The following CSMD1 variants were observed in gnomAD, a reference collection of about 807,000 sequenced individuals.
CSMD1 encodes CUB and Sushi multiple domains 1, also known as CUB and sushi domain-containing protein 1.
CSMD1 carries 213 observed loss-of-function variants against 417.5 expected under a neutral mutation model. That is an observed-to-expected ratio of 0.51 (90% confidence interval 0.46 to 0.57). The LOEUF is 0.57. CSMD1 is among the 20% of genes least tolerant of loss of function. The probability of loss-of-function intolerance (pLI) is 0.00; values close to 1 mark genes in which losing one functional copy is unlikely to be tolerated. For synonymous variants in CSMD1, 2,862 were observed against 1,736.8 expected, an observed-to-expected ratio of 1.65 and a Z score of -16.11; for missense variants, 6,923 against 4,529.7, an observed-to-expected ratio of 1.53 and a Z score of -15.17.
chr8:4,968,323 C>G (rs375330739), intron 1 of CSMD1, among the ~76,000 whole-genome samples: 47 of 152,100 alleles, frequency 3.1e-4, no homozygotes, highest in African/African-American at 1.1e-3. Flanking sequence ...TAAGAACATT[C>G]ACAAGATTGT....
chr8:3,367,337 G>C (rs1585060771), intron 19 of CSMD1, 90 bp from the exon 20 acceptor site: 2 of 783,418 alleles, frequency 2.6e-6, no homozygotes, highest in Non-Finnish European at 4.2e-6. Flanking sequence ...GAGAGAGACA[G>C]AGACATAGAG....
chr8:4,017,961 GC>G (rs1196375416), intron 4 of CSMD1, among the ~76,000 whole-genome samples: 1 of 152,102 alleles, frequency 6.6e-6, no homozygotes, highest in Non-Finnish European at 1.5e-5. Context: ...AACTATAGCG[GC>G]ATGCATTTAT....
rs561014315 is a variant in CSMD1, at chr8:4,894,135, A to AAG, written c.85+100196_85+100197insCT. Among the ~76,000 whole-genome samples, 155 of 152,186 alleles carry AAG rather than the reference A, an allele frequency of 1.0e-3. 3 individuals carry two copies. Among genetic ancestry groups the AAG allele is most frequent in the African/African-American group, 3.4e-3 (142 of 41,476 alleles). The stretch of plus-strand genomic sequence containing the variant: ...CGCACTGTATCCCATACATTTGAAA[A>AAG]ATTATCTCTATTTTAACAGTGAACA... On this transcript the variant is annotated intron_variant, in intron 1 of 69. Transcript: ENST00000635120.
chr8:4,383,341 T>A lies in CSMD1; in HGVS notation c.415+36612A>T, dbSNP rs189819790. Among the ~76,000 whole-genome samples, 261 of 152,296 alleles carry A rather than the reference T, an allele frequency of 1.7e-3. 2 individuals carry two copies. The highest frequency in any genetic ancestry group is 2.1e-3 in the Non-Finnish European group (142 of 68,024). ...GGGATCTCTGAGTCAAAGAAGATTT[T>A]ATGATGAGAGAGTTTTCTTTTGCTT... On this transcript the variant is annotated intron_variant, in intron 3 of 69. Transcript: ENST00000635120.
chr8:3,136,035 C>T (rs532024232), intron 41 of CSMD1, among the ~76,000 whole-genome samples: 53 of 152,212 alleles, frequency 3.5e-4, no homozygotes, highest in African/African-American at 1.3e-3. Context: ...TAGTTTCATT[C>T]AGATTTCTAT....
intron 7 of CSMD1, among the ~76,000 whole-genome samples, chr8:3,667,688 T>G (rs570870162): frequency 1.3e-5 from 2 of 152,308 alleles, no homozygotes; most frequent in African/African-American, 4.8e-5. Context: ...CGCATGGTGA[T>G]GACTGAATTG....
intron 6 of CSMD1, among the ~76,000 whole-genome samples, chr8:3,736,413 T>TA (rs34615106): frequency 0.064 from 9,437 of 148,314 alleles, 367 homozygotes; most frequent in East Asian, 0.11. Context: ...ATGGCTAATG[T>TA]AAAAAAAAAA....
intron 7 of CSMD1, among the ~76,000 whole-genome samples, chr8:3,628,809 G>A (rs1049914461): frequency 1.1e-4 from 16 of 152,144 alleles, no homozygotes; most frequent in African/African-American, 2.9e-4. Context: ...ACACGTGTCC[G>A]AGCCAAGAAC....
At chr8:4,026,497 A>G (rs552311988) in intron 4 of CSMD1, among the ~76,000 whole-genome samples, 2 of 152,346 alleles carry the variant, frequency 1.3e-5, no homozygotes, top group Middle Eastern at 6.8e-3. Flanking sequence ...AATTAAGAAG[A>G]AAACCACTGG....
chr8:4,828,863 A>G (rs1416901511), intron 1 of CSMD1, among the ~76,000 whole-genome samples: 4 of 152,182 alleles, frequency 2.6e-5, no homozygotes, highest in African/African-American at 9.7e-5. Context: ...AACCTTCATC[A>G]GAATAATCAT....
intron 37 of CSMD1, among the ~76,000 whole-genome samples, chr8:3,173,183 C>T (rs1480131582): frequency 6.6e-6 from 1 of 152,118 alleles, no homozygotes; most frequent in Non-Finnish European, 1.5e-5. Flanking sequence ...GTTAAAACGC[C>T]AAAATATCAC....
chr8:4,503,185 C>G (rs898650684), intron 2 of CSMD1, among the ~76,000 whole-genome samples: 3 of 152,164 alleles, frequency 2.0e-5, no homozygotes, highest in Admixed American at 6.5e-5. Context: ...TATCATCCGT[C>G]TAAGCCAGGT....
At chr8:4,309,841 T>G (rs755201381) in intron 3 of CSMD1, among the ~76,000 whole-genome samples, 1 of 152,176 alleles carries the variant, frequency 6.6e-6, no homozygotes, top group South Asian at 2.1e-4. Context: ...TATAGCTGTC[T>G]GAGTATTTTC....
At chr8:3,764,276 G>T (rs567253628) in intron 5 of CSMD1, among the ~76,000 whole-genome samples, 1 of 152,144 alleles carries the variant, frequency 6.6e-6, no homozygotes, top group East Asian at 1.9e-4. Context: ...CTGTGTTCCC[G>T]TCCAAACCCT....
At chr8:3,454,420 C>G (rs1199306139) in intron 12 of CSMD1, among the ~76,000 whole-genome samples, 1 of 152,194 alleles carries the variant, frequency 6.6e-6, no homozygotes, top group Non-Finnish European at 1.5e-5. Context: ...ATGGTCTTCA[C>G]AATTTGGCAT....
chr8:4,936,302 G>T (rs1807615704), intron 1 of CSMD1, among the ~76,000 whole-genome samples: 1 of 152,106 alleles, frequency 6.6e-6, no homozygotes, highest in South Asian at 2.1e-4. Flanking sequence ...ATGTGTGCAT[G>T]GGATTGTGAA....
chr8:3,729,617 T>C (rs1802706474), intron 6 of CSMD1, among the ~76,000 whole-genome samples: 1 of 151,972 alleles, frequency 6.6e-6, no homozygotes, highest in Non-Finnish European at 1.5e-5. Flanking sequence ...CAGATCTTAG[T>C]GTGGAAAGAC....
At chr8:3,726,980 A>C (rs1433595627) in intron 6 of CSMD1, among the ~76,000 whole-genome samples, 1 of 152,158 alleles carries the variant, frequency 6.6e-6, no homozygotes, top group East Asian at 1.9e-4. Flanking sequence ...TATACATACC[A>C]CCAGTAAACA....
At chr8:4,288,505 G>A (rs926124842) in intron 3 of CSMD1, among the ~76,000 whole-genome samples, 1 of 152,152 alleles carries the variant, frequency 6.6e-6, no homozygotes, top group Admixed American at 6.6e-5. Flanking sequence ...TCTGCCTTTA[G>A]GTTTACCCAG....
Sources: gnomAD v4.1 joint callset for allele counts (sites outside exome capture counted in the v4.1 genomes callset) on GRCh38, gnomAD v4.1.1 for gene constraint, MANE v1.5 for transcripts, NCBI Gene and HGNC (gene_info 2026-07-23, HGNC 2026-07-21) for gene names.